The following PTPN2 variants were observed in gnomAD, a reference collection of about 807,000 sequenced individuals.
PTPN2 encodes tyrosine-protein phosphatase non-receptor type 2.
Under a neutral mutation model 57.3 loss-of-function variants are expected in PTPN2, and 19 were observed. That is an observed-to-expected ratio of 0.33 (90% CI 0.23 to 0.49). The LOEUF (loss-of-function observed/expected upper bound fraction) is 0.49, where lower values mean the gene tolerates loss of function less well. Ranked by LOEUF, PTPN2 falls within the 20% of genes least tolerant of loss-of-function variation. The pLI is 0.99. For missense variants in PTPN2, 358 were observed against 501.1 expected (o/e 0.71, Z 2.73); for synonymous variants, 153 against 164.9 (o/e 0.93, Z 0.55).
At chr18:12,830,321 C>T (rs181530589) in intron 4 of PTPN2, among the ~76,000 whole-genome samples, 42 of 152,114 alleles carry the variant, frequency 2.8e-4, no homozygotes, top group African/African-American at 7.2e-4. Flanking sequence ...TTAGTAGAGA[C>T]GGGGTTTCAC....
chr18:12,840,975 A>G, intron 2 of PTPN2: 1 of 1,444,288 alleles, frequency 6.9e-7, no homozygotes. Flanking sequence ...TTCAGCAATC[A>G]TACACAATTT....
At chr18:12,807,761 G>C (rs1189628834) in intron 7 of PTPN2, among the ~76,000 whole-genome samples, 4 of 151,506 alleles carry the variant, frequency 2.6e-5, no homozygotes, top group African/African-American at 9.7e-5. Flanking sequence ...TAGAAGCAGA[G>C]AGTAGAATAG....
intron 8 of PTPN2, among the ~76,000 whole-genome samples, chr18:12,801,156 T>C (rs1661117310): frequency 6.6e-6 from 1 of 152,246 alleles, no homozygotes; most frequent in Non-Finnish European, 1.5e-5. Flanking sequence ...AAGTATTGGC[T>C]GAAAGCTCCT....
intron 6 of PTPN2, among the ~76,000 whole-genome samples, chr18:12,815,133 T>TAAATAAATAAAA (rs942733377): frequency 1.8e-4 from 25 of 140,352 alleles, no homozygotes; most frequent in Non-Finnish European, 3.1e-4. Flanking sequence ...AATAAATAAA[T>TAAATAAATAAAA]AAAAATGTGG....
intron 6 of PTPN2, among the ~76,000 whole-genome samples, chr18:12,816,131 T>C (rs992468073): frequency 3.9e-5 from 6 of 152,066 alleles, no homozygotes; most frequent in African/African-American, 1.4e-4. Context: ...TAGTGAGGCC[T>C]TGTCTCTACT....
chr18:12,867,130 AAAAAAT>A (rs1237088761), intron 1 of PTPN2, among the ~76,000 whole-genome samples: 4 of 152,016 alleles, frequency 2.6e-5, no homozygotes, highest in African/African-American at 9.7e-5. Flanking sequence ...ACGTATCTAC[AAAAAAT>A]AAAAATAAAA....
chr18:12,792,937 T>G lies in PTPN2; in HGVS notation c.*1341A>C. ...TGCCCCCTTTAAAATACTTAAGCCT[T>G]ATGCAGAAATCTTATGTGGCATATA... On this transcript the variant is annotated 3_prime_UTR_variant, in exon 9 of 9. Transcript: ENST00000309660. 3 of 985,046 alleles carry G rather than the reference T, an allele frequency of 3.0e-6. No homozygotes were observed. The highest frequency in any genetic ancestry group is 3.6e-6 in the Non-Finnish European group (3 of 829,572). 61.0% of individuals were successfully genotyped at this position (985,046 alleles called of 1,614,324 possible).
At position 12,802,062 on chromosome 18, in the gene PTPN2, G is replaced by A; in HGVS notation, c.948C>T (p.Asn316=). 1 of 1,612,578 alleles carries A rather than the reference G, an allele frequency of 6.2e-7. No homozygotes were observed. Among genetic ancestry groups the A allele is most frequent in the Non-Finnish European group, 8.5e-7 (1 of 1,179,214 alleles). ...GTTTTTCTTCTTCTAGACCTATTCT[G>A]TTCCCATTGTATTTTTCAGTCATTA... The part of the protein sequence containing the change: ...NKIMTEKYNG[N]RIGLEEEKLT... The change falls in exon 8 of 9, where the codon AAC becomes AAT. Residue 316 remains asparagine (N), a synonymous_variant. Transcript: ENST00000309660.
chr18:12,815,549 C>T (rs2042047480), intron 6 of PTPN2, among the ~76,000 whole-genome samples: 1 of 152,014 alleles, frequency 6.6e-6, no homozygotes, highest in Admixed American at 6.6e-5. Flanking sequence ...TGTTAGAATC[C>T]CCACACCCAG....
intron 4 of PTPN2, among the ~76,000 whole-genome samples, chr18:12,829,042 C>T (rs565286013): frequency 1.2e-4 from 18 of 152,288 alleles, no homozygotes; most frequent in African/African-American, 4.3e-4. Flanking sequence ...GGACTACAGG[C>T]ATGCGCCACC....
At chr18:12,844,799 G>T (rs914177260) in intron 2 of PTPN2, among the ~76,000 whole-genome samples, 2 of 152,092 alleles carry the variant, frequency 1.3e-5, no homozygotes, top group Non-Finnish European at 2.9e-5. Context: ...TGCTCTAGGT[G>T]TCATAGCTAA....
intron 2 of PTPN2, among the ~76,000 whole-genome samples, chr18:12,840,327 C>T (rs1169267471): frequency 2.0e-5 from 3 of 152,222 alleles, no homozygotes; most frequent in Non-Finnish European, 4.4e-5. Context: ...TCTCATAAAT[C>T]GAGCAATGAA....
chr18:12,875,756 C>T (rs1196936816), intron 1 of PTPN2, among the ~76,000 whole-genome samples: 1 of 152,128 alleles, frequency 6.6e-6, no homozygotes, highest in African/African-American at 2.4e-5. Flanking sequence ...TTTATCTGGA[C>T]TATTTGGAGA....
chr18:12,847,979 T>TA (rs1433461097), intron 2 of PTPN2, among the ~76,000 whole-genome samples: 3 of 151,790 alleles, frequency 2.0e-5, no homozygotes, highest in Non-Finnish European at 2.9e-5. Flanking sequence ...AATCTTTTAG[T>TA]AAAAAAGCTG....
intron 3 of PTPN2, among the ~76,000 whole-genome samples, chr18:12,832,546 A>G (rs1598811058): frequency 6.6e-6 from 1 of 152,358 alleles, no homozygotes; most frequent in East Asian, 1.9e-4. Flanking sequence ...CTGACAAACT[A>G]CAACCTAATA....
At chr18:12,837,523 T>A (rs1319589457) in intron 2 of PTPN2, among the ~76,000 whole-genome samples, 1 of 152,214 alleles carries the variant, frequency 6.6e-6, no homozygotes, top group South Asian at 2.1e-4. Flanking sequence ...AGATTGAGAA[T>A]TTATGCTAAT....
chr18:12,851,859 A>G (rs1477159724), intron 2 of PTPN2, among the ~76,000 whole-genome samples: 1 of 152,232 alleles, frequency 6.6e-6, no homozygotes, highest in Admixed American at 6.5e-5. Flanking sequence ...CAGAATCATG[A>G]GTCTCTGTGT....
intron 7 of PTPN2, among the ~76,000 whole-genome samples, chr18:12,807,600 T>TATATATATAC (rs71174144): frequency 4.6e-4 from 39 of 85,178 alleles, no homozygotes; most frequent in Non-Finnish European, 7.5e-4. Flanking sequence ...TATATATATA[T>TATATATATAC]ATATAATATA....
At chr18:12,789,860 ATGTG>A (rs1555655091), downstream of PTPN2, among the ~76,000 whole-genome samples, 1 of 105,504 alleles carries the variant, frequency 9.5e-6, no homozygotes, top group African/African-American at 3.2e-5. Flanking sequence ...ATCTCTCTGT[ATGTG>A]TGTGTGTGTG....
Sources: gnomAD v4.1 joint callset for allele counts (sites outside exome capture counted in the v4.1 genomes callset) on GRCh38, gnomAD v4.1.1 for gene constraint, MANE v1.5 for transcripts, NCBI Gene and HGNC (gene_info 2026-07-23, HGNC 2026-07-21) for gene names.